Variants in PWP1 observed in about 807,000 individuals in gnomAD.
PWP1 encodes the protein periodic tryptophan protein 1 homolog.
In PWP1, 47 loss-of-function variants were observed where a neutral mutation model predicts 69.9. The ratio of observed to expected loss-of-function variants is 0.67; its 90% CI spans 0.53 to 0.86. The LOEUF (loss-of-function observed/expected upper bound fraction) is 0.86. PWP1 is among the 40% of genes least tolerant of loss of function. The pLI is 0.00. For synonymous variants in PWP1, 222 were observed against 208.2 expected, an observed-to-expected ratio of 1.07 and a Z score of -0.57; for missense variants, 551 against 608.8, an observed-to-expected ratio of 0.91 and a Z score of 1.00.
intron 8 of PWP1, among the ~76,000 whole-genome samples, chr12:107,701,829 C>T (rs1889716682): frequency 6.6e-6 from 1 of 152,144 alleles, no homozygotes; most frequent in Admixed American, 6.5e-5. Context: ...TGGTGCATGC[C>T]ACCATGCCTG....
chr12:107,700,434 AGACTT>A (rs1889684943), intron 8 of PWP1, among the ~76,000 whole-genome samples: 1 of 152,180 alleles, frequency 6.6e-6, no homozygotes, highest in African/African-American at 2.4e-5. Context: ...GGAATCATAC[AGACTT>A]ACTTCTTTGC....
intron 8 of PWP1, among the ~76,000 whole-genome samples, chr12:107,700,257 TCA>T (rs1420774742): frequency 6.6e-6 from 1 of 152,168 alleles, no homozygotes; most frequent in Non-Finnish European, 1.5e-5. Flanking sequence ...TTCAGTACAT[TCA>T]CAGAGTTGTG....
intron 10 of PWP1, 120 bp from the exon 11 acceptor site, chr12:107,704,516 T>G (rs1426610058): frequency 1.4e-6 from 1 of 698,218 alleles, no homozygotes; most frequent in Non-Finnish European, 2.4e-6. Context: ...ATTTAGAACC[T>G]TAAAACAGGC....
chr12:107,701,836 CCTGG>C (rs1889716903), intron 8 of PWP1, among the ~76,000 whole-genome samples: 1 of 152,126 alleles, frequency 6.6e-6, no homozygotes, highest in Non-Finnish European at 1.5e-5. Flanking sequence ...TGCCACCATG[CCTGG>C]CTAATTTTTG....
chr12:107,693,042 A>G lies in PWP1; in HGVS notation c.448A>G (p.Asn150Asp). 2 of 1,614,152 alleles carry G rather than the reference A, an allele frequency of 1.2e-6. No homozygotes were observed. The highest frequency in any genetic ancestry group is 1.7e-6 in the Non-Finnish European group (2 of 1,180,014). The change falls in exon 5 of 15, where the codon AAT (asparagine) becomes GAT (aspartate). Residue 150 changes from asparagine (N) to aspartate (D), a missense_variant. Physicochemically the swap from Asn to Asp is conservative, Grantham distance 23 (BLOSUM62 1). Coordinates refer to ENST00000412830, the MANE Select transcript of PWP1 (RefSeq NM_007062.3). ...AGATTTCTTGATTAAGCCCAGTGAT[A>G]ATCTTATAGTTTGTGGCCGAGCTGA... ...REDFLIKPSD[N>D]LIVCGRAEQD... is the part of the protein sequence containing the mutation.
intron 1 of PWP1, chr12:107,686,211 T>C (rs1889361474): frequency 6.9e-6 from 4 of 576,214 alleles, no homozygotes; most frequent in Non-Finnish European, 1.2e-5. Flanking sequence ...CCAACCCCAC[T>C]CCCAAATTCG....
At chr12:107,706,595 T>C (rs1392500354) in intron 11 of PWP1, among the ~76,000 whole-genome samples, 3 of 152,212 alleles carry the variant, frequency 2.0e-5, no homozygotes, top group Admixed American at 6.5e-5. Context: ...GAGGAAGGGA[T>C]CCAGTTTCAG....
intron 9 of PWP1, 101 bp downstream of exon 9, chr12:107,703,132 A>T (rs1476308466): frequency 6.8e-6 from 6 of 879,944 alleles, no homozygotes; most frequent in Non-Finnish European, 1.1e-5. Flanking sequence ...AAATAATTTT[A>T]TCTGGCTTGC....
intron 8 of PWP1, among the ~76,000 whole-genome samples, chr12:107,700,843 A>G (rs1889694431): frequency 6.6e-6 from 1 of 152,182 alleles, no homozygotes; most frequent in Admixed American, 6.5e-5. Context: ...GTTTTTCATA[A>G]TAGCCATCCT....
At chr12:107,698,384 G>A (rs1008918803) in intron 7 of PWP1, among the ~76,000 whole-genome samples, 1 of 152,054 alleles carries the variant, frequency 6.6e-6, no homozygotes, top group Non-Finnish European at 1.5e-5. Flanking sequence ...TGCTAGGCCA[G>A]TCATAGTAGC....
intron 5 of PWP1, among the ~76,000 whole-genome samples, chr12:107,694,234 C>T (rs1019809415): frequency 1.8e-4 from 28 of 152,296 alleles, no homozygotes; most frequent in African/African-American, 6.0e-4. Context: ...CCTTCCACTG[C>T]GCTCATATCC....
At chr12:107,686,482 G>C (rs994381929) in intron 1 of PWP1, among the ~76,000 whole-genome samples, 2 of 152,214 alleles carry the variant, frequency 1.3e-5, no homozygotes, top group African/African-American at 4.8e-5. Flanking sequence ...ATTTCTTGCA[G>C]TAATCCAAGT....
At chr12:107,694,203 C>T (rs939657332) in intron 5 of PWP1, among the ~76,000 whole-genome samples, 3 of 152,130 alleles carry the variant, frequency 2.0e-5, no homozygotes, top group Admixed American at 2.0e-4. Flanking sequence ...CCTACAGATT[C>T]TCCGTTTTGT....
chr12:107,708,520 G>T (rs907785950), intron 11 of PWP1, among the ~76,000 whole-genome samples: 1 of 152,026 alleles, frequency 6.6e-6, no homozygotes, highest in South Asian at 2.1e-4. Context: ...CACACTGGTC[G>T]ATTTGACTGT....
At chr12:107,702,174 A>G (rs1401183785) in intron 8 of PWP1, among the ~76,000 whole-genome samples, 1 of 151,806 alleles carries the variant, frequency 6.6e-6, no homozygotes, top group Non-Finnish European at 1.5e-5. Context: ...GAACTTGCCA[A>G]CTTTGTTCTT....
At chr12:107,706,869 T>A (rs533678875) in intron 11 of PWP1, among the ~76,000 whole-genome samples, 207 of 152,310 alleles carry the variant, frequency 1.4e-3, no homozygotes, top group Non-Finnish European at 2.1e-3. Context: ...CTTAGGATTG[T>A]CTTGGCAATG....
At chr12:107,700,098 C>T (rs1472785485) in intron 8 of PWP1, among the ~76,000 whole-genome samples, 2 of 152,186 alleles carry the variant, frequency 1.3e-5, no homozygotes, top group African/African-American at 4.8e-5. Context: ...ACAGGAAAGA[C>T]CTGTCCCCAT....
chr12:107,698,820 C>T (rs541295141), intron 7 of PWP1, among the ~76,000 whole-genome samples: 15 of 152,256 alleles, frequency 9.9e-5, no homozygotes, highest in Middle Eastern at 3.4e-3. Context: ...CTCGAACTCC[C>T]GGCCTCAAGC....
intron 11 of PWP1, among the ~76,000 whole-genome samples, chr12:107,706,522 T>C (rs1029053094): frequency 6.6e-6 from 1 of 152,210 alleles, no homozygotes; most frequent in African/African-American, 2.4e-5. Context: ...GTTTTTATGG[T>C]TTTAGGTCTA....
Sources: gnomAD v4.1 joint callset for allele counts (sites outside exome capture counted in the v4.1 genomes callset) on GRCh38, gnomAD v4.1.1 for gene constraint, MANE v1.5 for transcripts, NCBI Gene and HGNC (gene_info 2026-07-23, HGNC 2026-07-21) for gene names.